Variants in ZNF621 observed in about 807,000 individuals in gnomAD.
ZNF621 encodes the protein zinc finger protein 621.
In ZNF621, 6 loss-of-function variants were observed where a neutral mutation model predicts 12.7. The observed-to-expected ratio is 0.47, with a 90% CI of 0.26 to 0.93. The LOEUF (loss-of-function observed/expected upper bound fraction) is 0.93, where lower values mean the gene tolerates loss of function less well. Among genes scored for constraint, ZNF621 ranks in the 40% least tolerant of loss-of-function variants. ZNF621 has a pLI of 0.15. For synonymous variants in ZNF621, 156 were observed against 190.3 expected (o/e 0.82, Z 1.48); for missense variants, 474 against 524.0 (o/e 0.90, Z 0.93).
At chr3:40,527,419 C>T (rs1698611457) in intron 2 of ZNF621, among the ~76,000 whole-genome samples, 1 of 151,914 alleles carries the variant, frequency 6.6e-6, no homozygotes, top group African/African-American at 2.4e-5. Flanking sequence ...GCAACCTCCA[C>T]CTCCCGGATT....
At chr3:40,524,057 G>T (rs1253421635), upstream of ZNF621, among the ~76,000 whole-genome samples, 1 of 152,134 alleles carries the variant, frequency 6.6e-6, no homozygotes, top group Non-Finnish European at 1.5e-5. Flanking sequence ...TTAGTGACTT[G>T]GGACTTTGGT....
At chr3:40,530,359 C>A in intron 4 of ZNF621, 43 bp downstream of exon 4, 1 of 1,514,758 alleles carries the variant, frequency 6.6e-7, no homozygotes, top group Non-Finnish European at 9.1e-7. Context: ...GTTTTGCCTT[C>A]CTGGTTTACT....
intron 1 of ZNF621, 173 bp from the exon 2 acceptor site, chr3:40,525,606 T>G (rs950699850): frequency 4.1e-5 from 26 of 634,716 alleles, no homozygotes; most frequent in Non-Finnish European, 6.9e-5. Flanking sequence ...TCCTGAAGAC[T>G]AGGCAGAACA....
At chr3:40,526,208 C>T (rs546479956) in intron 2 of ZNF621, among the ~76,000 whole-genome samples, 4 of 152,290 alleles carry the variant, frequency 2.6e-5, no homozygotes, top group South Asian at 4.1e-4. Context: ...CACTCTGTCG[C>T]CCAAGCTGGA....
upstream of ZNF621, among the ~76,000 whole-genome samples, chr3:40,524,153 C>A (rs1435117211): frequency 6.6e-6 from 1 of 152,112 alleles, no homozygotes; most frequent in South Asian, 2.1e-4. Flanking sequence ...TTTCTTCCTG[C>A]AGTCCAACTA....
intron 3 of ZNF621, 34 bp from the exon 4 acceptor site, chr3:40,530,174 TC>T: frequency 6.4e-7 from 1 of 1,571,056 alleles, no homozygotes; most frequent in Non-Finnish European, 8.8e-7. Context: ...TCTGGACGTC[TC>T]CCCTCAATTT....
chr3:40,528,316 T>A (rs570600445), intron 2 of ZNF621, among the ~76,000 whole-genome samples: 1 of 152,382 alleles, frequency 6.6e-6, no homozygotes, highest in South Asian at 2.1e-4. Context: ...TGTCTTTTCA[T>A]GGCTTGATAG....
chr3:40,528,925 T>C (rs1368769707), intron 2 of ZNF621, among the ~76,000 whole-genome samples: 3 of 152,254 alleles, frequency 2.0e-5, no homozygotes, highest in South Asian at 2.1e-4. Flanking sequence ...TCCTAGACTT[T>C]AGCATGTCTT....
In ZNF621 at chr3:40,532,234, A is replaced by G; in HGVS notation, c.464A>G (p.Glu155Gly). ...RGGMKFYECK[E>G]CGKIFRYNSK... The stretch of plus-strand genomic sequence containing the variant: ...GGAATGAAGTTCTATGAATGTAAAG[A>G]ATGTGGGAAAATCTTCCGATATAAC... Residue 155 changes from glutamate to glycine, a missense_variant, in exon 5 of 5, where the codon GAA (glutamate) becomes GGA (glycine). Transcript: ENST00000339296. 6.2e-7 allele frequency: 1 copy of G among 1,614,158 alleles called. No homozygotes were observed. The highest frequency in any genetic ancestry group is 8.5e-7 in the Non-Finnish European group (1 of 1,180,040).
upstream of ZNF621, among the ~76,000 whole-genome samples, chr3:40,524,597 C>G (rs1422612987): frequency 6.6e-6 from 1 of 152,220 alleles, no homozygotes. Context: ...AAGCAGGCGC[C>G]ATTCTCCCCT....
chr3:40,531,905 T>TG (rs1181334650), intron 4 of ZNF621, 125 bp from the exon 5 acceptor site: 2 of 898,230 alleles, frequency 2.2e-6, no homozygotes, highest in Non-Finnish European at 3.4e-6. Flanking sequence ...CCTTTATAGA[T>TG]GCTTGTATAT....
At position 40,532,026 on chromosome 3, in the gene ZNF621, T is replaced by C; in HGVS notation, c.260-4T>C. 6.3e-7 allele frequency: 1 copy of C among 1,592,478 alleles called. No homozygotes were observed. The highest frequency in any genetic ancestry group is 8.5e-7 in the Non-Finnish European group (1 of 1,169,810). On this transcript the variant is annotated splice_region_variant and splice_polypyrimidine_tract_variant and intron_variant, in intron 4 of 4. Coordinates refer to ENST00000339296, the MANE Select transcript of ZNF621 (RefSeq NM_198484.5). ...CTAGGAACACTTGTGGTTTCTTTGG[T>C]CAGGTGGTGAGTCCTGGATCAAAAA...
chr3:40,528,562 A>G (rs1268293596), intron 2 of ZNF621, among the ~76,000 whole-genome samples: 1 of 152,200 alleles, frequency 6.6e-6, no homozygotes, highest in Non-Finnish European at 1.5e-5. Context: ...TTAGTTTGTA[A>G]GAAATTGACG....
In ZNF621 at chr3:40,529,230, G is replaced by A. The variant is rs1559557251; in HGVS notation, c.25-89G>A. The A allele has an allele frequency of 6.7e-6, 10 of 1,486,484 alleles. No homozygotes were observed. In the East Asian group the frequency reaches 2.4e-4, roughly 36 times the overall value. 92.1% of individuals were successfully genotyped at this position (1,486,484 alleles called of 1,614,324 possible). On this transcript the variant is annotated intron_variant, in intron 2 of 4. Coordinates refer to ENST00000339296, the MANE Select transcript of ZNF621 (RefSeq NM_198484.5). ...CATGGGGCTCAGAGTTGTGGATGCAGGCAGGTTTATCCCTTCCCTGAAGCT... is the reference window on the plus strand; with the variant it reads ...CATGGGGCTCAGAGTTGTGGATGCAAGCAGGTTTATCCCTTCCCTGAAGCT...
Position 40,529,207 on chromosome 3 carries a change from T to C in ZNF621, c.25-112T>C, listed in dbSNP as rs937648675. On this transcript the variant is annotated intron_variant, in intron 2 of 4. Transcript: ENST00000339296. Reference sequence around the variant, plus strand: ...GTGTTCTTGTTGAGCAGACCTTACATGGGGCTCAGAGTTGTGGATGCAGGC... The same window carrying C: ...GTGTTCTTGTTGAGCAGACCTTACACGGGGCTCAGAGTTGTGGATGCAGGC... The C allele has an allele frequency of 1.4e-5, 18 of 1,330,478 alleles. No individual in the cohort carries two copies. In the East Asian group the frequency reaches 3.8e-4, roughly 28 times the overall value. The allele number at this position is 1,330,478 out of a possible 1,614,324, so 82.4% of individuals were successfully genotyped here. A position where few individuals can be genotyped will look rare whatever the true frequency, so the allele number is the denominator to read the frequency against.
chr3:40,525,526 G>T, intron 1 of ZNF621: 1 of 576,414 alleles, frequency 1.7e-6, no homozygotes, highest in Non-Finnish European at 3.1e-6. Context: ...GGGCTCTTGG[G>T]TCCCTCAGTT....
rs1288397329 is a variant in ZNF621 at position 40,536,319 on chromosome 3, A to G, written c.*3229A>G. 1 of 152,214 alleles carries G rather than the reference A, an allele frequency of 6.6e-6. No individual in the cohort carries two copies. Among genetic ancestry groups the G allele is most frequent in the African/African-American group, 2.4e-5 (1 of 41,436 alleles). 9.4% of individuals were successfully genotyped at this position (152,214 alleles called of 1,614,324 possible). ...TGGTCTTGAACTCCTGGCAGCCTCAAGTGATCCACCCACCTCGGTCTCCCA... is the reference window on the plus strand; with the variant it reads ...TGGTCTTGAACTCCTGGCAGCCTCAGGTGATCCACCCACCTCGGTCTCCCA... On this transcript the variant is annotated 3_prime_UTR_variant, in exon 5 of 5. Coordinates refer to ENST00000339296, the MANE Select transcript of ZNF621 (RefSeq NM_198484.5).
rs1319901423 is a variant in ZNF621 at position 40,537,284 on chromosome 3, G to A, written c.*4194G>A. The A allele has an allele frequency of 2.0e-5, 3 of 152,192 alleles. No individual in the cohort carries two copies. Among genetic ancestry groups the A allele is most frequent in the East Asian group, 3.9e-4 (2 of 5,190 alleles). The allele number at this position is 152,192 out of a possible 1,614,324, so 9.4% of individuals were successfully genotyped here. On this transcript the variant is annotated 3_prime_UTR_variant, in exon 5 of 5. Coordinates refer to ENST00000339296, the MANE Select transcript of ZNF621 (RefSeq NM_198484.5). ...GAAAAGTTCTTGAAGGAAATGAAAA[G>A]TACTTCTCCAGGGAACACATGAACG...
chr3:40,530,870 C>T (rs1349902489), intron 4 of ZNF621, among the ~76,000 whole-genome samples: 2 of 152,104 alleles, frequency 1.3e-5, no homozygotes, highest in Non-Finnish European at 2.9e-5. Context: ...CCCATCATAG[C>T]CCCCTACGCA....
Sources: gnomAD v4.1 joint callset for allele counts (sites outside exome capture counted in the v4.1 genomes callset) on GRCh38, gnomAD v4.1.1 for gene constraint, MANE v1.5 for transcripts, NCBI Gene and HGNC (gene_info 2026-07-23, HGNC 2026-07-21) for gene names.